PROCR: variants seen among roughly 807,000 people sequenced by gnomAD.
The protein encoded by PROCR is endothelial protein C receptor.
A neutral mutation model predicts 24.2 loss-of-function variants in PROCR; 22 were observed. The observed-to-expected ratio is 0.91, with a 90% CI of 0.65 to 1.30. The LOEUF (loss-of-function observed/expected upper bound fraction) is 1.30, where lower values mean the gene tolerates loss of function less well. PROCR is among the 50% of genes most tolerant of loss of function. The probability of loss-of-function intolerance (pLI) is 0.00; values close to 1 mark genes in which losing one functional copy is unlikely to be tolerated. For missense variants in PROCR, 288 were observed against 307.7 expected, an observed-to-expected ratio of 0.94 and a Z score of 0.48; for synonymous variants, 137 against 139.2, an observed-to-expected ratio of 0.98 and a Z score of 0.11.
intron 1 of PROCR, chr20:35,195,318 A>G (rs1029453739): frequency 2.6e-5 from 4 of 152,144 alleles, no homozygotes; most frequent in Non-Finnish European, 5.9e-5. Context: ...CTACAGATAT[A>G]CCATCCTGAA....
Position 35,174,973 on chromosome 20 carries a change from G to T in PROCR, c.322+20G>T. ...TGGCCTGTGAGTAGGCGCGCAGCGG[G>T]GGCGGGGTCTGGGCGGGGCTAGTGG... On this transcript the variant is annotated intron_variant, in intron 2 of 3. Coordinates refer to ENST00000216968, the MANE Select transcript of PROCR (RefSeq NM_006404.5). 6.7e-7 allele frequency: 1 copy of T among 1,481,686 alleles called. No homozygotes were observed. The highest frequency in any genetic ancestry group is 9.0e-7 in the Non-Finnish European group (1 of 1,115,644). The allele number at this position is 1,481,686 out of a possible 1,614,324, so 91.8% of individuals were successfully genotyped here. A position where few individuals can be genotyped will look rare whatever the true frequency, so the allele number is the denominator to read the frequency against.
intron 1 of PROCR, chr20:35,195,504 A>T (rs1396532466): frequency 6.6e-6 from 1 of 152,152 alleles, no homozygotes; most frequent in Admixed American, 6.5e-5. Flanking sequence ...TTCAAAAAGT[A>T]AACGAGAATA....
In PROCR at chr20:35,177,216, G is replaced by C. The variant is rs2086029075; in HGVS notation, c.*403G>C. On this transcript the variant is annotated 3_prime_UTR_variant, in exon 4 of 4. Transcript: ENST00000216968. ...AAAATACAACATTCAATACTTCCAG[G>C]TGTGTCAGACTTGGGATGGGACGCT... 1 of 1,083,866 alleles carries C rather than the reference G, an allele frequency of 9.2e-7. No homozygotes were observed. The highest frequency in any genetic ancestry group is 1.1e-6 in the Non-Finnish European group (1 of 888,528). The allele number at this position is 1,083,866 out of a possible 1,614,324, so 67.1% of individuals were successfully genotyped here. A position where few individuals can be genotyped will look rare whatever the true frequency, so the allele number is the denominator to read the frequency against.
chr20:35,213,773 G>A (rs1220470318), intron 1 of PROCR, among the ~76,000 whole-genome samples: 2 of 152,104 alleles, frequency 1.3e-5, no homozygotes, highest in Admixed American at 1.3e-4. Context: ...AAGGTATACA[G>A]TGAGAAAAAT....
intron 2 of PROCR, 71 bp downstream of exon 2, chr20:35,175,024 G>GGGCCTGGCGGGTGGGGGCGA (rs2085996866): frequency 9.1e-7 from 1 of 1,098,938 alleles, no homozygotes; most frequent in African/African-American, 1.7e-5. Context: ...GGTGGGGGCG[G>GGGCCTGGCGGGTGGGGGCGA]GGCCTGGCGG....
intron 1 of PROCR, chr20:35,202,713 T>C (rs760370773): frequency 1.3e-5 from 2 of 152,076 alleles, no homozygotes; most frequent in Non-Finnish European, 2.9e-5. Flanking sequence ...CAAAAATTGA[T>C]AGAACTAAAA....
chr20:35,212,416 T>C (rs1435209680), intron 1 of PROCR, among the ~76,000 whole-genome samples: 2 of 152,218 alleles, frequency 1.3e-5, no homozygotes, highest in Non-Finnish European at 2.9e-5. Flanking sequence ...TTATTTTTTT[T>C]TTAACAAGGA....
At chr20:35,196,403 C>A (rs1230023903) in intron 1 of PROCR, among the ~76,000 whole-genome samples, 2 of 151,864 alleles carry the variant, frequency 1.3e-5, no homozygotes, top group Non-Finnish European at 1.5e-5. Context: ...AGGATAAAAG[C>A]AATGAAAACC....
intron 1 of PROCR, among the ~76,000 whole-genome samples, chr20:35,213,616 C>T (rs1261493690): frequency 6.6e-6 from 1 of 151,966 alleles, no homozygotes; most frequent in Admixed American, 6.6e-5. Context: ...CAGGGAGTGG[C>T]CTTTAGAGAC....
At chr20:35,174,604 G>C in intron 1 of PROCR, 98 bp from the exon 2 acceptor site, 1 of 1,495,292 alleles carries the variant, frequency 6.7e-7, no homozygotes. Context: ...GAAGGGTCGA[G>C]AAGGCGGGCG....
chr20:35,182,503 T>A lies in PROCR; in HGVS notation c.94+6057T>A, dbSNP rs570078891. 5.9e-5 allele frequency among the ~76,000 whole-genome samples: 9 copies of A among 152,330 alleles called. No individual in the cohort carries two copies. In the East Asian group the frequency reaches 1.7e-3, roughly 29 times the overall value. ...TTAATTTATTTACTCGTTTAATAAATGTTTGTCAGAAACTTCCATATAGAA... is the reference window on the plus strand; with the variant it reads ...TTAATTTATTTACTCGTTTAATAAAAGTTTGTCAGAAACTTCCATATAGAA... On this transcript the variant is annotated intron_variant, in intron 1 of 1. Transcript: ENST00000634509.
chr20:35,174,634 G>A lies in PROCR; in HGVS notation c.71-68G>A, dbSNP rs549580042. 1.3e-5 allele frequency: 21 copies of A among 1,601,416 alleles called. No individual in the cohort carries two copies. The Admixed American group carries it at 3.0e-4, about 23-fold the overall frequency. The stretch of plus-strand genomic sequence containing the variant: ...CGGGCGGCCAGCCTCGAGGTAGGGG[G>A]TTATTATCTTCCGCTGCCCGCCGCC... On this transcript the variant is annotated intron_variant, in intron 1 of 3. Transcript: ENST00000216968.
At position 35,174,825 on chromosome 20, in the gene PROCR, C is replaced by T. The variant is rs2085990787; in HGVS notation, c.194C>T (p.Thr65Ile). 8 of 1,614,112 alleles carry T rather than the reference C, an allele frequency of 5.0e-6. No individual in the cohort carries two copies. In the East Asian group the frequency reaches 8.9e-5, roughly 18 times the overall value. Residue 65 changes from threonine to isoleucine, a missense_variant, in exon 2 of 4, where the codon ACC (threonine) becomes ATC (isoleucine). Thr to Ile is a moderately conservative substitution (Grantham distance 89). Coordinates refer to ENST00000216968, the MANE Select transcript of PROCR (RefSeq NM_006404.5). ...THVLEGPDTN[T>I]TIIQLQPLQE... ...GTGCTGGAAGGCCCAGACACCAACA[C>T]CACGATCATTCAGCTGCAGCCCTTG...
intron 1 of PROCR, among the ~76,000 whole-genome samples, chr20:35,193,881 G>A (rs1310114127): frequency 6.6e-6 from 1 of 152,178 alleles, no homozygotes; most frequent in East Asian, 1.9e-4. Flanking sequence ...ATCACCTAAG[G>A]AATAGTCTAG....
intron 1 of PROCR, among the ~76,000 whole-genome samples, chr20:35,205,790 T>TAC (rs1318075721): frequency 2.2e-5 from 3 of 134,398 alleles, no homozygotes; most frequent in Non-Finnish European, 3.2e-5. Context: ...TATATATATG[T>TAC]ATATATACAC....
At position 35,200,475 on chromosome 20, in the gene PROCR, G is replaced by A. The variant is rs189858553; in HGVS notation, c.95-15418G>A. On this transcript the variant is annotated intron_variant, in intron 1 of 1. Transcript: ENST00000634509. ...ACCAGAGAAAAGACTATGACTCACC[G>A]AAGGCTCTGATGATTGTTCAGATTT... 6.6e-5 allele frequency among the ~76,000 whole-genome samples: 10 copies of A among 152,176 alleles called. No individual in the cohort carries two copies. In the East Asian group the frequency reaches 9.6e-4, roughly 15 times the overall value.
chr20:35,172,855 G>A (rs561297605), intron 1 of PROCR, among the ~76,000 whole-genome samples: 39 of 152,212 alleles, frequency 2.6e-4, no homozygotes, highest in Non-Finnish European at 2.9e-5. Flanking sequence ...CACAATCCCC[G>A]TAACTTCAGT....
rs184193913 is a variant in PROCR at position 35,186,487 on chromosome 20, G to A, written c.94+10041G>A. ...AGGCTGAGGCGGGAGAATCACTTAA[G>A]CCCAGGAGGCTGAGGTTGCGGTGAG... On this transcript the variant is annotated intron_variant, in intron 1 of 1. Transcript: ENST00000634509. Among the ~76,000 whole-genome samples the A allele has an allele frequency of 4.4e-3, 657 of 149,394 alleles. 2 individuals are homozygous for A. The highest frequency in any genetic ancestry group is 0.015 in the African/African-American group (626 of 40,486).
intron 1 of PROCR, among the ~76,000 whole-genome samples, chr20:35,183,043 A>G (rs189266372): frequency 6.6e-6 from 1 of 151,730 alleles, no homozygotes; most frequent in East Asian, 1.9e-4. Flanking sequence ...TTACTCTTGT[A>G]GCTATCATTT....
Sources: allele counts gnomAD v4.1 joint callset (sites outside exome capture counted in the v4.1 genomes callset), GRCh38; gene constraint gnomAD v4.1.1; transcripts MANE v1.5; gene names NCBI Gene and HGNC (gene_info 2026-07-23, HGNC 2026-07-21).